The following DCHS1 variants were observed in gnomAD, a reference collection of about 807,000 sequenced individuals.
DCHS1 encodes the protein protocadherin-16.
Under a neutral mutation model 213.9 loss-of-function variants are expected in DCHS1, and 78 were observed. The ratio of observed to expected loss-of-function variants is 0.36; its 90% CI spans 0.30 to 0.44. The LOEUF (loss-of-function observed/expected upper bound fraction) is 0.44. Ranked by LOEUF, DCHS1 falls within the 20% of genes least tolerant of loss-of-function variation. DCHS1 has a pLI of 1.00. For missense variants in DCHS1, 3,946 were observed against 4,395.9 expected (o/e 0.90, Z 2.89); for synonymous variants, 1,828 against 1,873.7 (o/e 0.98, Z 0.63).
At position 6,627,868 on chromosome 11, in the gene DCHS1, C is replaced by A. The variant is rs1408067128; in HGVS notation, c.5372-201G>T. The stretch of plus-strand genomic sequence containing the variant: ...TGTGTGGTCTGGGAACCCCGGGAGT[C>A]CCCCAAGTCCTTTTCATGTGCATAA... On this transcript the variant is annotated intron_variant, in intron 13 of 20. Transcript: ENST00000299441. The surrounding 1 kb of genome is among the most constrained non-coding windows in gnomAD (Gnocchi z 5.4). 6.6e-6 allele frequency among the ~76,000 whole-genome samples: 1 copy of A among 152,218 alleles called. No individual in the cohort carries two copies. Among genetic ancestry groups the A allele is most frequent in the Non-Finnish European group, 1.5e-5 (1 of 68,040 alleles).
chr11:6,624,205 C>T lies in DCHS1; in HGVS notation c.7471G>A (p.Val2491Met), dbSNP rs907616274. 3 of 1,613,342 alleles carry T rather than the reference C, an allele frequency of 1.9e-6. No homozygotes were observed. The East Asian group carries it at 6.7e-5, about 36-fold the overall frequency. The change falls in exon 21 of 21, where the codon GTG becomes ATG. Residue 2491 changes from valine (V) to methionine (M), a missense_variant. Coordinates refer to ENST00000299441, the MANE Select transcript of DCHS1 (RefSeq NM_003737.4). ...GAGCCAGGGGGCAGGTCTTCAGTCA[C>T]AGCCACACGGTAGTGTGACAATGTG... ...SFTLSHYRVA[V>M]TEDLPPGSTL... is the part of the protein sequence containing the mutation.
At chr11:6,649,156 T>C (rs1161084056) in intron 1 of DCHS1, among the ~76,000 whole-genome samples, 1 of 150,984 alleles carries the variant, frequency 6.6e-6, no homozygotes, top group Non-Finnish European at 1.5e-5. Flanking sequence ...ATTTCACAGA[T>C]GAGGAAACTG....
intron 6 of DCHS1, 101 bp from the exon 7 acceptor site, chr11:6,631,910 C>T (rs1411368413): frequency 1.4e-6 from 2 of 1,442,746 alleles, no homozygotes; most frequent in African/African-American, 2.8e-5. Flanking sequence ...GGAGGGAATG[C>T]CAGGGCTAAA....
At position 6,624,275 on chromosome 11, in the gene DCHS1, T is replaced by G; in HGVS notation, c.7401A>C (p.Thr2467=). 1.9e-6 allele frequency: 3 copies of G among 1,606,472 alleles called. No homozygotes were observed. Among genetic ancestry groups the G allele is most frequent in the Non-Finnish European group, 2.5e-6 (3 of 1,177,088 alleles). Residue 2467 remains threonine, a synonymous_variant, in exon 21 of 21, where the codon ACA becomes ACC. Transcript: ENST00000299441. ...TCTGGTCCTGCAGCTGCACGTGCAC[T>G]GTGGCTCGTGCTGCCCGGCCTGGAG... The part of the protein sequence containing the change: ...HGAPGRAARA[T]VHVQLQDQND...
intron 1 of DCHS1, among the ~76,000 whole-genome samples, chr11:6,646,546 C>A (rs1465774664): frequency 5.9e-5 from 9 of 152,172 alleles, no homozygotes; most frequent in African/African-American, 1.9e-4. Context: ...ATCTGGCCTG[C>A]CCCTCCATCT....
Position 6,642,714 on chromosome 11 carries a change from T to G in DCHS1, c.-120-981A>C, listed in dbSNP as rs1856097398. On this transcript the variant is annotated intron_variant, in intron 1 of 20. Transcript: ENST00000299441. ...TGAGACAGGGACTTGTAAGCTGTAT[T>G]GAAGATTTTGACATTATCCTAAAGG... Among the ~76,000 whole-genome samples the G allele has an allele frequency of 6.6e-5, 10 of 152,186 alleles. 1 individual carries two copies. In the South Asian group the frequency reaches 1.9e-3, roughly 28 times the overall value.
At position 6,648,989 on chromosome 11, in the gene DCHS1, G is replaced by A. The variant is rs141240906; in HGVS notation, c.-121+6574C>T. Among the ~76,000 whole-genome samples, 1,173 of 152,060 alleles carry A rather than the reference G, an allele frequency of 7.7e-3. 11 individuals carry two copies. Among genetic ancestry groups the A allele is most frequent in the African/African-American group, 0.027 (1,122 of 41,426 alleles). ...GTGTTAGTTTCCTCTTAAACCTCTG[G>A]GGTTTAAAGTGCTTACCTTAAATGG... On this transcript the variant is annotated intron_variant, in intron 1 of 20. Coordinates refer to ENST00000299441, the MANE Select transcript of DCHS1 (RefSeq NM_003737.4).
chr11:6,624,444 C>A, intron 20 of DCHS1, 54 bp from the exon 21 acceptor site: 1 of 1,483,244 alleles, frequency 6.7e-7, no homozygotes, highest in South Asian at 1.3e-5. Context: ...TGTGAGTGAA[C>A]AGAAGAGTGA....
In DCHS1 at chr11:6,623,938, G is replaced by A. The variant is rs1382618216; in HGVS notation, c.7738C>T (p.Pro2580Ser). Residue 2580 changes from proline (P) to serine (S), a missense_variant, in exon 21 of 21, where the codon CCA becomes TCA. Physicochemically the swap from Pro to Ser is moderately conservative, Grantham distance 74. Coordinates refer to ENST00000299441, the MANE Select transcript of DCHS1 (RefSeq NM_003737.4). ...LTVAAADRGQ[P>S]PQSSVVPVTV... ...ACTGGCACGACTGAGCTTTGGGGTG[G>A]CTGCCCACGGTCAGCTGCAGCCACT... 6.2e-7 allele frequency: 1 copy of A among 1,606,364 alleles called. No individual in the cohort carries two copies. The highest frequency in any genetic ancestry group is 8.5e-7 in the Non-Finnish European group (1 of 1,174,408).
At position 6,624,268 on chromosome 11, in the gene DCHS1, C is replaced by T. The variant is rs755522289; in HGVS notation, c.7408G>A (p.Val2470Met). The change falls in exon 21 of 21, where the codon GTG becomes ATG. Residue 2470 changes from valine (V) to methionine (M), a missense_variant. Around this residue, in one of 3 missense-constraint regions of DCHS1, gnomAD observed 3,384 missense variants for 3,780.1 expected, o/e 0.90. Coordinates refer to ENST00000299441, the MANE Select transcript of DCHS1 (RefSeq NM_003737.4). ...PGRAARATVH[V>M]QLQDQNDHAP... ...TGGTCGTTCTGGTCCTGCAGCTGCACGTGCACTGTGGCTCGTGCTGCCCGG... is the reference window on the plus strand; with the variant it reads ...TGGTCGTTCTGGTCCTGCAGCTGCATGTGCACTGTGGCTCGTGCTGCCCGG... The T allele has an allele frequency of 1.7e-5, 27 of 1,610,928 alleles. No individual in the cohort carries two copies. In the Admixed American group the frequency reaches 1.7e-4, roughly 10 times the overall value.
Position 6,626,551 on chromosome 11 carries a change from C to T in DCHS1, c.6364+1G>A, listed in dbSNP as rs779083500. On this transcript the variant is annotated splice_donor_variant, in intron 15 of 20. Coordinates refer to ENST00000299441, the MANE Select transcript of DCHS1 (RefSeq NM_003737.4). LOFTEE classifies it high-confidence loss of function. The surrounding 1 kb of genome is among the most constrained non-coding windows in gnomAD (Gnocchi z 5.2). ...ACAGAGCCCCTGCTCCTATTTCTTACCTGTACTAGGCTGGATGGAGAATGT... is the reference window on the plus strand; with the variant it reads ...ACAGAGCCCCTGCTCCTATTTCTTATCTGTACTAGGCTGGATGGAGAATGT... The T allele has an allele frequency of 6.2e-7, 1 of 1,613,834 alleles. No homozygotes were observed.
intron 2 of DCHS1, chr11:6,635,033 A>C (rs1855968384): frequency 6.6e-6 from 1 of 152,234 alleles, no homozygotes. Context: ...AAGGGCTGTG[A>C]CCTCAAATTC....
In DCHS1 at chr11:6,633,920, G is replaced by A. The variant is rs373288752; in HGVS notation, c.2087C>T (p.Ala696Val). The A allele has an allele frequency of 3.7e-5, 60 of 1,613,898 alleles. No homozygotes were observed. Among genetic ancestry groups the A allele is most frequent in the Non-Finnish European group, 5.0e-5 (59 of 1,179,888 alleles). Residue 696 changes from alanine (A) to valine (V), a missense_variant, in exon 4 of 21, where the codon GCC becomes GTC. By Grantham distance (64) the Ala-to-Val change is moderately conservative (BLOSUM62 0). Transcript: ENST00000299441. ...YPREYAASIS[A>V]QSPPGTAVLR... ...CACAGCTGTGCCTGGTGGACTCTGG[G>A]CACTTATACTGGCAGCATACTCCCG...
At chr11:6,637,765 A>G (rs751601569) in intron 2 of DCHS1, among the ~76,000 whole-genome samples, 8 of 152,138 alleles carry the variant, frequency 5.3e-5, no homozygotes, top group Non-Finnish European at 1.2e-4. Flanking sequence ...TCTTATTGGA[A>G]TGAAACTATT....
chr11:6,633,702 AG>A, intron 4 of DCHS1, 54 bp from the exon 5 acceptor site: 1 of 1,605,338 alleles, frequency 6.2e-7, no homozygotes, highest in Admixed American at 1.7e-5. Context: ...AGGGCTAGAA[AG>A]GTTATGGAGG....
In DCHS1 at chr11:6,626,515, G is replaced by A; in HGVS notation, c.6364+37C>T. ...ATGCAAAGAACCTGCTTCCCCAGTA[G>A]CCTGTCCTGCACAGAGCCCCTGCTC... On this transcript the variant is annotated intron_variant, in intron 15 of 20. Transcript: ENST00000299441. This position sits in a 1 kb window ranked among gnomAD's most constrained non-coding sequence, Gnocchi z 5.2. 1 of 1,610,292 alleles carries A rather than the reference G, an allele frequency of 6.2e-7. No individual in the cohort carries two copies. Among genetic ancestry groups the A allele is most frequent in the Non-Finnish European group, 8.5e-7 (1 of 1,176,878 alleles).
rs371099670 is a variant in DCHS1 at position 6,625,895 on chromosome 11, T to C, written c.6731+25A>G. Reference sequence around the variant, plus strand: ...AACTGGACAGGCCCAAGATGGGGTCTTGGGTCCACAGGGCCAGGCCTCACC... The same window carrying C: ...AACTGGACAGGCCCAAGATGGGGTCCTGGGTCCACAGGGCCAGGCCTCACC... On this transcript the variant is annotated intron_variant, in intron 17 of 20. Coordinates refer to ENST00000299441, the MANE Select transcript of DCHS1 (RefSeq NM_003737.4). This position sits in a 1 kb window ranked among gnomAD's most constrained non-coding sequence, Gnocchi z 5.3. 1.4e-3 allele frequency: 2,189 copies of C among 1,610,044 alleles called. 6 individuals carry two copies. The highest frequency in any genetic ancestry group is 4.2e-3 in the South Asian group (380 of 90,246).
chr11:6,627,054 G>A lies in DCHS1; in HGVS notation c.5985C>T (p.Ala1995=). Residue 1995 remains alanine, a synonymous_variant, in exon 14 of 21, where the codon GCC becomes GCT. Coordinates refer to ENST00000299441, the MANE Select transcript of DCHS1 (RefSeq NM_003737.4). The surrounding 1 kb of genome is among the most constrained non-coding windows in gnomAD (Gnocchi z 5.4). The part of the protein sequence containing the change: ...TLRAEDRDAG[A]NASILYRLAG... ...CCAGCCGGTACAGAATGGAAGCATT[G>A]GCACCAGCATCACGATCTTCAGCTC... is the stretch of plus-strand genomic sequence containing the variant. 1 of 1,613,606 alleles carries A rather than the reference G, an allele frequency of 6.2e-7. No homozygotes were observed. Among genetic ancestry groups the A allele is most frequent in the Non-Finnish European group, 8.5e-7 (1 of 1,179,794 alleles).
chr11:6,653,565 G>C (rs1856274591), intron 1 of DCHS1, among the ~76,000 whole-genome samples: 2 of 152,124 alleles, frequency 1.3e-5, no homozygotes, highest in Non-Finnish European at 1.5e-5. Context: ...GAGGGATGTG[G>C]GGTAATGAGT....
Sources: gnomAD v4.1 joint callset for allele counts (sites outside exome capture counted in the v4.1 genomes callset) on GRCh38, gnomAD v4.1.1 for gene constraint, gnomAD v4.1.1 regional missense constraint, Gnocchi (gnomAD v3.1) non-coding constraint, MANE v1.5 for transcripts, NCBI Gene and HGNC (gene_info 2026-07-23, HGNC 2026-07-21) for gene names.